SCARB1: variants seen among roughly 807,000 people sequenced by gnomAD.
The protein encoded by SCARB1 is CD36 and LIMPII analogous 1.
Under a neutral mutation model 57.2 loss-of-function variants are expected in SCARB1, and 30 were observed. The observed-to-expected ratio is 0.52, with a 90% CI of 0.39 to 0.71. SCARB1 has a LOEUF of 0.71. Among genes scored for constraint, SCARB1 ranks in the 30% least tolerant of loss-of-function variants. The pLI, the probability that SCARB1 is intolerant of heterozygous loss-of-function variation, is 0.00. For missense variants in SCARB1, 543 were observed against 671.2 expected (o/e 0.81, Z 2.11); for synonymous variants, 249 against 268.3 (o/e 0.93, Z 0.70).
In SCARB1 at chr12:124,794,845, G is replaced by A. The variant is rs1814575; in HGVS notation, c.1202+350C>T. Among the ~76,000 whole-genome samples, 958 of 152,246 alleles carry A rather than the reference G, an allele frequency of 6.3e-3. 11 individuals are homozygous for A. Among genetic ancestry groups the A allele is most frequent in the African/African-American group, 0.022 (909 of 41,550 alleles). On this transcript the variant is annotated intron_variant, in intron 9 of 12. Coordinates refer to ENST00000261693, the MANE Select transcript of SCARB1 (RefSeq NM_005505.5). ...CTCAGGAGGCTGAGTCAGGAGAATC[G>A]CTTGAACCTGGGAGGCGGAGGTTGT... is the stretch of plus-strand genomic sequence containing the variant.
At chr12:124,798,953 CA>C (rs1003689590) in intron 8 of SCARB1, among the ~76,000 whole-genome samples, 1 of 151,734 alleles carries the variant, frequency 6.6e-6, no homozygotes, top group African/African-American at 2.4e-5. Flanking sequence ...TTCAGTTAGA[CA>C]GGGGGAGTAA....
chr12:124,820,565 T>C (rs1950914117), intron 1 of SCARB1, among the ~76,000 whole-genome samples: 1 of 152,000 alleles, frequency 6.6e-6, no homozygotes, highest in Admixed American at 6.5e-5. Flanking sequence ...AGTCCTGGCC[T>C]TCACCCAGCC....
At chr12:124,843,829 G>A (rs3924313) in intron 1 of SCARB1, among the ~76,000 whole-genome samples, 39,948 of 152,048 alleles carry the variant, frequency 0.26, 5,598 homozygotes, top group Middle Eastern at 0.35. Flanking sequence ...GAGGACTTAT[G>A]AAAGGAAGAA....
chr12:124,863,554 C>T (rs747803324), intron 1 of SCARB1, 41 bp downstream of exon 1: 1 of 1,588,350 alleles, frequency 6.3e-7, no homozygotes. Context: ...GCCCAACAGC[C>T]CGGGTCCGTG....
intron 8 of SCARB1, 136 bp downstream of exon 8, chr12:124,799,988 G>T: frequency 1.4e-6 from 1 of 731,960 alleles, no homozygotes; most frequent in Non-Finnish European, 2.5e-6. Context: ...AAGGAACTTT[G>T]GTGGCTCGAG....
rs140365710 is a variant in SCARB1, at chr12:124,827,470, G to A, written c.127-9763C>T. Among the ~76,000 whole-genome samples, 43 of 152,206 alleles carry A rather than the reference G, an allele frequency of 2.8e-4. No homozygotes were observed. In the East Asian group the frequency reaches 3.1e-3, roughly 11 times the overall value. ...AGGGCCAGGTGGTGGCGCCAAGGTC[G>A]TCTAGCTATTTATCTTACTTCTGTT... On this transcript the variant is annotated intron_variant, in intron 1 of 12. Transcript: ENST00000261693.
chr12:124,843,048 G>A (rs759166139), intron 1 of SCARB1, among the ~76,000 whole-genome samples: 1 of 152,226 alleles, frequency 6.6e-6, no homozygotes, highest in Non-Finnish European at 1.5e-5. Flanking sequence ...CACCTCTGGA[G>A]CAAAGACCAG....
intron 1 of SCARB1, among the ~76,000 whole-genome samples, chr12:124,818,320 G>A (rs1183238574): frequency 6.6e-6 from 1 of 152,186 alleles, no homozygotes; most frequent in East Asian, 1.9e-4. Flanking sequence ...CAGTCATCAC[G>A]TAAGTGAAAT....
At chr12:124,813,345 G>A (rs1408812516) in intron 4 of SCARB1, among the ~76,000 whole-genome samples, 1 of 152,168 alleles carries the variant, frequency 6.6e-6, no homozygotes, top group Non-Finnish European at 1.5e-5. Flanking sequence ...CACTCTAGCA[G>A]CCAACTTGGA....
At chr12:124,782,892 G>C (rs977357295) in intron 11 of SCARB1, 81 bp from the exon 12 acceptor site, 28 of 1,453,256 alleles carry the variant, frequency 1.9e-5, no homozygotes, top group African/African-American at 2.8e-5. Flanking sequence ...ATTTGCAAAA[G>C]GCAAAGAGGA....
chr12:124,817,464 G>C lies in SCARB1; in HGVS notation c.284+86C>G. Reference sequence around the variant, plus strand: ...CGGAACAATCTCTGGGGCTCAGTCAGCAGCCTCCCCATCCCGTCCACTCTG... The same window carrying C: ...CGGAACAATCTCTGGGGCTCAGTCACCAGCCTCCCCATCCCGTCCACTCTG... On this transcript the variant is annotated intron_variant, in intron 2 of 12. Transcript: ENST00000261693. The surrounding 1 kb of genome is among the most constrained non-coding windows in gnomAD (Gnocchi z 4.8). The C allele has an allele frequency of 1.5e-6, 2 of 1,362,882 alleles. No homozygotes were observed. The highest frequency in any genetic ancestry group is 2.4e-5 in the South Asian group (2 of 83,696). The allele number at this position is 1,362,882 out of a possible 1,614,324, so 84.4% of individuals were successfully genotyped here.
chr12:124,838,992 C>CT (rs1951803455), intron 1 of SCARB1, among the ~76,000 whole-genome samples: 1 of 152,046 alleles, frequency 6.6e-6, no homozygotes, highest in South Asian at 2.1e-4. Flanking sequence ...CCAGGCTGGT[C>CT]TTGAACTCCT....
intron 1 of SCARB1, among the ~76,000 whole-genome samples, chr12:124,858,568 C>T (rs539557457): frequency 5.3e-5 from 8 of 152,188 alleles, no homozygotes; most frequent in East Asian, 3.9e-4. Context: ...TCTGTTCATT[C>T]GTAATTTTTT....
At chr12:124,826,330 C>CA (rs55809371) in intron 1 of SCARB1, among the ~76,000 whole-genome samples, 27,362 of 78,546 alleles carry the variant, frequency 0.35, 4,340 homozygotes, top group East Asian at 0.64. Context: ...GACCCTGTCT[C>CA]AAAAAAAAAA....
At chr12:124,808,346 T>C (rs1950397330) in intron 6 of SCARB1, among the ~76,000 whole-genome samples, 1 of 152,180 alleles carries the variant, frequency 6.6e-6, no homozygotes, top group South Asian at 2.1e-4. Flanking sequence ...GAATATATCA[T>C]GCCCCTGCTG....
Position 124,817,527 on chromosome 12 carries a change from C to CCCTCACCTGGACACAG in SCARB1, c.284+7_284+22dup, listed in dbSNP as rs745979590. 2 of 1,612,620 alleles carry CCCTCACCTGGACACAG rather than the reference C, an allele frequency of 1.2e-6. No homozygotes were observed. Among genetic ancestry groups the CCCTCACCTGGACACAG allele is most frequent in the East Asian group, 2.2e-5 (1 of 44,880 alleles). On this transcript the variant is annotated intron_variant, in intron 2 of 12. Transcript: ENST00000261693. This position sits in a 1 kb window ranked among gnomAD's most constrained non-coding sequence, Gnocchi z 4.8. ...TGCCCAGCCTCAGCCGGCCCCTCCA[C>CCCTCACCTGGACACAG]CCTCACCTGGACACAGCCTCACCTG... is the stretch of plus-strand genomic sequence containing the variant.
intron 12 of SCARB1, among the ~76,000 whole-genome samples, chr12:124,781,735 T>G (rs1261094090): frequency 2.0e-5 from 3 of 151,706 alleles, no homozygotes; most frequent in Non-Finnish European, 4.4e-5. Flanking sequence ...TACCAGAAAT[T>G]CATATTTAAC....
At chr12:124,818,268 G>A (rs1422088247) in intron 1 of SCARB1, among the ~76,000 whole-genome samples, 1 of 152,180 alleles carries the variant, frequency 6.6e-6, no homozygotes, top group Non-Finnish European at 1.5e-5. Flanking sequence ...ACAGAGCACA[G>A]AGAAAACACA....
intron 7 of SCARB1, among the ~76,000 whole-genome samples, chr12:124,805,616 G>A (rs1284630218): frequency 6.6e-6 from 1 of 152,074 alleles, no homozygotes; most frequent in Non-Finnish European, 1.5e-5. Context: ...CTGGAGTGCA[G>A]TGGGGTGATC....
Sources: allele counts gnomAD v4.1 joint callset (sites outside exome capture counted in the v4.1 genomes callset), GRCh38; gene constraint gnomAD v4.1.1; non-coding constraint Gnocchi (gnomAD v3.1); transcripts MANE v1.5; gene names NCBI Gene and HGNC (gene_info 2026-07-23, HGNC 2026-07-21).